Variants in DRAXIN observed in about 807,000 individuals in gnomAD.
DRAXIN encodes the protein dorsal repulsive axon guidance protein.
In DRAXIN, 27 loss-of-function variants were observed where a neutral mutation model predicts 33.9. The ratio of observed to expected loss-of-function variants is 0.80; its 90% CI spans 0.59 to 1.10. The LOEUF is 1.10. Among genes scored for constraint, DRAXIN ranks in the 50% least tolerant of loss-of-function variants. The pLI, the probability that DRAXIN is intolerant of heterozygous loss-of-function variation, is 0.00. For synonymous variants in DRAXIN, 178 were observed against 194.0 expected (o/e 0.92, Z 0.69); for missense variants, 371 against 460.8 (o/e 0.81, Z 1.78).
At chr1:11,702,081 C>G (rs1430804886) in intron 1 of DRAXIN, among the ~76,000 whole-genome samples, 2 of 122,242 alleles carry the variant, frequency 1.6e-5, no homozygotes, top group African/African-American at 3.6e-5. Flanking sequence ...CACACATGCT[C>G]ACAACACACA....
In DRAXIN at chr1:11,704,358, G is replaced by C. The variant is rs1322950746; in HGVS notation, c.-10-1891G>C. On this transcript the variant is annotated intron_variant, in intron 1 of 6. Transcript: ENST00000294485. This position sits in a 1 kb window ranked among gnomAD's most constrained non-coding sequence, Gnocchi z 4.6. ...GGGGGTGAAGTCTGGCAGTGGTCAGGCTAAATGCCAGCCCAGAGAGCAGCC... is the reference window on the plus strand; with the variant it reads ...GGGGGTGAAGTCTGGCAGTGGTCAGCCTAAATGCCAGCCCAGAGAGCAGCC... 6.6e-6 allele frequency among the ~76,000 whole-genome samples: 1 copy of C among 152,124 alleles called. No homozygotes were observed. Among genetic ancestry groups the C allele is most frequent in the Non-Finnish European group, 1.5e-5 (1 of 68,024 alleles).
At chr1:11,689,829 C>G (rs925711042), upstream of DRAXIN, among the ~76,000 whole-genome samples, 2 of 151,978 alleles carry the variant, frequency 1.3e-5, no homozygotes, top group African/African-American at 4.8e-5. Flanking sequence ...AGGTCTGGGT[C>G]AGGACCCCTT....
At position 11,723,287 on chromosome 1, in the gene DRAXIN, G is replaced by T. The variant is rs770466192; in HGVS notation, c.*3591G>T. On this transcript the variant is annotated 3_prime_UTR_variant, in exon 7 of 7. Coordinates refer to ENST00000294485, the MANE Select transcript of DRAXIN (RefSeq NM_198545.4). Reference sequence around the variant, plus strand: ...TGCTCACTCTCAACGCTGGCTGCACGTTGCAATAATCCAGGAACATTCACA... The same window carrying T: ...TGCTCACTCTCAACGCTGGCTGCACTTTGCAATAATCCAGGAACATTCACA... The T allele has an allele frequency of 2.0e-5, 3 of 152,182 alleles. No individual in the cohort carries two copies. Among genetic ancestry groups the T allele is most frequent in the Non-Finnish European group, 1.5e-5 (1 of 68,040 alleles). The allele number at this position is 152,182 out of a possible 1,614,324, so 9.4% of individuals were successfully genotyped here.
Position 11,705,708 on chromosome 1 carries a change from T to A in DRAXIN, c.-10-541T>A, listed in dbSNP as rs762054391. 7.2e-5 allele frequency among the ~76,000 whole-genome samples: 11 copies of A among 152,142 alleles called. No homozygotes were observed. The highest frequency in any genetic ancestry group is 1.3e-4 in the Non-Finnish European group (9 of 68,026). On this transcript the variant is annotated intron_variant, in intron 1 of 6. Transcript: ENST00000294485. The surrounding 1 kb of genome is among the most constrained non-coding windows in gnomAD (Gnocchi z 4.8). ...AACAGGAGCCATTTCAGAGAGCTCT[T>A]GAAAGGGCGAAGTGACATGAATTCA...
rs34041422 is a variant in DRAXIN, at chr1:11,720,593, CA to C, written c.*917del. On this transcript the variant is annotated 3_prime_UTR_variant, in exon 7 of 7. Transcript: ENST00000294485. ...GGGGGACAAGAGTGAAACTCCATCTCAAAAAAAAAAAAAAAAAAAAGCACAT... is the reference window on the plus strand; with the variant it reads ...GGGGGACAAGAGTGAAACTCCATCTCAAAAAAAAAAAAAAAAAAAGCACAT... 2.2e-4 allele frequency: 16 copies of C among 71,252 alleles called. No individual in the cohort carries two copies. The highest frequency in any genetic ancestry group is 6.2e-4 in the African/African-American group (11 of 17,626). 4.4% of individuals were successfully genotyped at this position (71,252 alleles called of 1,614,324 possible).
chr1:11,689,443 CAA>C (rs1206720274), upstream of DRAXIN, among the ~76,000 whole-genome samples: 1 of 151,910 alleles, frequency 6.6e-6, no homozygotes, highest in African/African-American at 2.4e-5. Context: ...ACTGAAAACA[CAA>C]AGTTAGCGGG....
intron 1 of DRAXIN, among the ~76,000 whole-genome samples, chr1:11,700,994 C>T (rs998853063): frequency 6.6e-6 from 1 of 152,180 alleles, no homozygotes; most frequent in Non-Finnish European, 1.5e-5. Flanking sequence ...GGGGGAGGGG[C>T]TCAGGAATCA....
chr1:11,717,215 A>G (rs1641590268), intron 6 of DRAXIN, among the ~76,000 whole-genome samples: 1 of 152,092 alleles, frequency 6.6e-6, no homozygotes, highest in Admixed American at 6.6e-5. Context: ...CCCGGGAGGC[A>G]GAGATTGCAG....
At chr1:11,713,987 G>A (rs768778816) in intron 5 of DRAXIN, among the ~76,000 whole-genome samples, 18 of 151,972 alleles carry the variant, frequency 1.2e-4, no homozygotes, top group Admixed American at 3.9e-4. Context: ...ACCCGAGATC[G>A]CACGACTGCA....
Position 11,725,583 on chromosome 1 carries a change from C to G in DRAXIN, c.*5887C>G, listed in dbSNP as rs957760321. The G allele has an allele frequency of 2.6e-5, 4 of 152,162 alleles. No homozygotes were observed. The highest frequency in any genetic ancestry group is 9.7e-5 in the African/African-American group (4 of 41,412). 9.4% of individuals were successfully genotyped at this position (152,162 alleles called of 1,614,324 possible). A position where few individuals can be genotyped will look rare whatever the true frequency, so the allele number is the denominator to read the frequency against. Reference sequence around the variant, plus strand: ...CAAATCCGAGACCTGTTTTGCGTAGCTAATTACCAGCAATGACAAACTCCC... The same window carrying G: ...CAAATCCGAGACCTGTTTTGCGTAGGTAATTACCAGCAATGACAAACTCCC... On this transcript the variant is annotated 3_prime_UTR_variant, in exon 7 of 7. Transcript: ENST00000294485.
intron 1 of DRAXIN, among the ~76,000 whole-genome samples, chr1:11,695,850 G>C (rs1363191029): frequency 6.6e-6 from 1 of 152,096 alleles, no homozygotes; most frequent in African/African-American, 2.4e-5. Context: ...GGTAGGACTC[G>C]AGTTCAGCAG....
chr1:11,695,082 G>A (rs959690272), intron 1 of DRAXIN, among the ~76,000 whole-genome samples: 2 of 151,974 alleles, frequency 1.3e-5, no homozygotes, highest in African/African-American at 4.8e-5. Context: ...AGCTGCACTG[G>A]TGTTGGTTAC....
upstream of DRAXIN, among the ~76,000 whole-genome samples, chr1:11,687,194 T>C (rs1005731913): frequency 2.0e-5 from 3 of 152,126 alleles, no homozygotes; most frequent in African/African-American, 7.2e-5. This position sits in a 1 kb window ranked among gnomAD's most constrained non-coding sequence, Gnocchi z 4.1. Context: ...GCCTCCCCAA[T>C]AGCTGGGGCT....
At chr1:11,703,654 G>T (rs1027234517) in intron 1 of DRAXIN, among the ~76,000 whole-genome samples, 2 of 152,192 alleles carry the variant, frequency 1.3e-5, no homozygotes, top group African/African-American at 4.8e-5. Flanking sequence ...CTGGGTCTGG[G>T]GACAGGATGG....
intron 5 of DRAXIN, among the ~76,000 whole-genome samples, chr1:11,714,308 G>C (rs1641541076): frequency 6.6e-6 from 1 of 152,224 alleles, no homozygotes; most frequent in South Asian, 2.1e-4. Context: ...GGAAGCTTCA[G>C]ACATCATGCA....
chr1:11,707,017 C>T (rs986739133), intron 2 of DRAXIN, among the ~76,000 whole-genome samples: 28 of 152,018 alleles, frequency 1.8e-4, no homozygotes, highest in African/African-American at 4.6e-4. Flanking sequence ...ATCGAGACCA[C>T]GGTGAAACCC....
At chr1:11,707,676 T>C (rs1247567266) in intron 2 of DRAXIN, among the ~76,000 whole-genome samples, 1 of 152,214 alleles carries the variant, frequency 6.6e-6, no homozygotes, top group East Asian at 1.9e-4. Flanking sequence ...TGCCTACCGC[T>C]CCTGCCTCTG....
At chr1:11,712,521 G>A (rs908741563) in intron 5 of DRAXIN, 92 bp downstream of exon 5, 2 of 1,294,536 alleles carry the variant, frequency 1.5e-6, no homozygotes, top group South Asian at 2.4e-5. Context: ...CAGGACCTGA[G>A]AATCCTTGAC....
At chr1:11,701,048 C>A (rs1244811206) in intron 1 of DRAXIN, among the ~76,000 whole-genome samples, 2 of 152,170 alleles carry the variant, frequency 1.3e-5, no homozygotes, top group Admixed American at 6.5e-5. Context: ...TTGCATACGG[C>A]GATGCTGACA....
Sources: gnomAD v4.1 joint callset for allele counts (sites outside exome capture counted in the v4.1 genomes callset) on GRCh38, gnomAD v4.1.1 for gene constraint, Gnocchi (gnomAD v3.1) non-coding constraint, MANE v1.5 for transcripts, NCBI Gene and HGNC (gene_info 2026-07-23, HGNC 2026-07-21) for gene names.